The following CSNK2A2IP variants were observed in gnomAD, a reference collection of about 807,000 sequenced individuals.
CSNK2A2IP encodes casein kinase II subunit alpha'-interacting protein.
chr3:88,354,898 G>A, the CSNK2A2IP span, among the ~76,000 whole-genome samples: 2 of 152,094 alleles, frequency 1.3e-5, no homozygotes, highest in Non-Finnish European at 2.9e-5. Flanking sequence ...GCTAGGAATG[G>A]AAGCCTAGGT....
At chr3:88,410,535 T>C in the CSNK2A2IP span, among the ~76,000 whole-genome samples, 2 of 152,080 alleles carry the variant, frequency 1.3e-5, no homozygotes, top group African/African-American at 4.8e-5. Context: ...TGACAATGGT[T>C]CAACAAATCT....
chr3:88,446,854 C>G, the CSNK2A2IP span, among the ~76,000 whole-genome samples: 1 of 152,116 alleles, frequency 6.6e-6, no homozygotes, highest in Non-Finnish European at 1.5e-5. Flanking sequence ...GTTGATGGTC[C>G]TTATAATTAA....
chr3:88,439,902 G>A, the CSNK2A2IP span, among the ~76,000 whole-genome samples: 1 of 152,140 alleles, frequency 6.6e-6, no homozygotes, highest in South Asian at 2.1e-4. Flanking sequence ...ATTAACTAGG[G>A]TGAGCTAATG....
chr3:88,453,526 T>A, the CSNK2A2IP span, among the ~76,000 whole-genome samples: 438 of 152,224 alleles, frequency 2.9e-3, 2 homozygotes, highest in African/African-American at 9.8e-3. Flanking sequence ...TATACATTAT[T>A]TGTATTTTTA....
chr3:88,353,781 A>T, the CSNK2A2IP span, among the ~76,000 whole-genome samples: 1 of 152,182 alleles, frequency 6.6e-6, no homozygotes. Context: ...AGTTGGTGAG[A>T]TCAGGCTTAG....
At chr3:88,441,383 A>G in the CSNK2A2IP span, among the ~76,000 whole-genome samples, 2,076 of 152,242 alleles carry the variant, frequency 0.014, 40 homozygotes, top group African/African-American at 0.048. Context: ...AAACATAGGG[A>G]TTAAATTGAA....
chr3:88,446,170 C>T, the CSNK2A2IP span, among the ~76,000 whole-genome samples: 4 of 150,938 alleles, frequency 2.7e-5, no homozygotes, highest in African/African-American at 7.3e-5. Context: ...TGCAATGGCA[C>T]GATCTTGGCT....
At chr3:88,414,859 C>G in the CSNK2A2IP span, among the ~76,000 whole-genome samples, 11 of 151,754 alleles carry the variant, frequency 7.2e-5, no homozygotes, top group African/African-American at 2.7e-4. Flanking sequence ...ATAGGAAAGA[C>G]GAGCATAGAG....
the CSNK2A2IP span, among the ~76,000 whole-genome samples, chr3:88,458,598 A>C: frequency 6.7e-6 from 1 of 150,292 alleles, no homozygotes; most frequent in East Asian, 1.9e-4. Flanking sequence ...TCTTCTACTT[A>C]ATTTTAGTTT....
At chr3:88,406,810 T>C in the CSNK2A2IP span, among the ~76,000 whole-genome samples, 5 of 152,350 alleles carry the variant, frequency 3.3e-5, no homozygotes, top group African/African-American at 1.2e-4. Flanking sequence ...GTATTCAATA[T>C]TTAAATTCCA....
the CSNK2A2IP span, among the ~76,000 whole-genome samples, chr3:88,397,051 G>A: frequency 6.6e-6 from 1 of 152,140 alleles, no homozygotes; most frequent in Non-Finnish European, 1.5e-5. Flanking sequence ...AAAAACAAGA[G>A]GGCATGTGAA....
the CSNK2A2IP span, among the ~76,000 whole-genome samples, chr3:88,449,491 T>C: frequency 8.7e-3 from 1,325 of 152,122 alleles, 16 homozygotes; most frequent in African/African-American, 0.03. Flanking sequence ...TTCTTTCTCA[T>C]AGGTTTTAGG....
chr3:88,463,889 C>A, the CSNK2A2IP span, among the ~76,000 whole-genome samples: 3 of 151,902 alleles, frequency 2.0e-5, no homozygotes, highest in African/African-American at 7.3e-5. Context: ...ATAGCAAAGA[C>A]TTGGAAACAA....
chr3:88,430,185 T>G, the CSNK2A2IP span, among the ~76,000 whole-genome samples: 1 of 152,150 alleles, frequency 6.6e-6, no homozygotes, highest in East Asian at 1.9e-4. Flanking sequence ...ATGGAGGGAC[T>G]CCTCACTATT....
the CSNK2A2IP span, chr3:88,465,373 T>C: frequency 8.1e-7 from 1 of 1,231,612 alleles, no homozygotes; most frequent in Non-Finnish European, 1.0e-6. Context: ...GCCACTAGCA[T>C]ATTATGGTCA....
At chr3:88,449,254 C>T in the CSNK2A2IP span, among the ~76,000 whole-genome samples, 8 of 152,246 alleles carry the variant, frequency 5.3e-5, no homozygotes, top group South Asian at 1.5e-3. Context: ...TTTACATATA[C>T]AGTAACAAGA....
the CSNK2A2IP span, among the ~76,000 whole-genome samples, chr3:88,429,090 T>C: frequency 1.3e-5 from 2 of 151,582 alleles, no homozygotes. Context: ...TTTACTTGTA[T>C]TGTTGGATAT....
At chr3:88,378,728 T>G in the CSNK2A2IP span, among the ~76,000 whole-genome samples, 1 of 152,048 alleles carries the variant, frequency 6.6e-6, no homozygotes, top group African/African-American at 2.4e-5. Flanking sequence ...TCTTTGTTAC[T>G]GTTTATAATA....
At chr3:88,407,765 C>T in the CSNK2A2IP span, among the ~76,000 whole-genome samples, 1 of 151,920 alleles carries the variant, frequency 6.6e-6, no homozygotes, top group Non-Finnish European at 1.5e-5. Context: ...GCTCAGCCAC[C>T]CAGGGTGGAG....
Sources: gnomAD v4.1 joint callset for allele counts (sites outside exome capture counted in the v4.1 genomes callset) on GRCh38, gnomAD v4.1.1 for gene constraint, MANE v1.5 for transcripts, NCBI Gene and HGNC (gene_info 2026-07-23, HGNC 2026-07-21) for gene names.